The following DHX8 variants were observed in gnomAD, a reference collection of about 807,000 sequenced individuals.
The protein encoded by DHX8 is ATP-dependent RNA helicase DHX8.
In DHX8, 67 loss-of-function variants were observed where a neutral mutation model predicts 140.7. The observed-to-expected ratio is 0.48, with a 90% CI of 0.39 to 0.58. DHX8 has a LOEUF of 0.58. DHX8 is among the 20% of genes least tolerant of loss of function. The pLI is 0.00. For missense variants in DHX8, 887 were observed against 1,550.7 expected (o/e 0.57, Z 7.19); for synonymous variants, 533 against 553.2 (o/e 0.96, Z 0.51).
At chr17:43,528,152 C>T (rs2154587007), downstream of DHX8, 1 of 247,200 alleles carries the variant, frequency 4.0e-6, no homozygotes, top group African/African-American at 2.2e-5. Flanking sequence ...ACCTCCTCAC[C>T]CTCCTGCCAG....
intron 17 of DHX8, 68 bp downstream of exon 17, chr17:43,513,570 G>A: frequency 1.3e-6 from 2 of 1,515,744 alleles, no homozygotes; most frequent in Non-Finnish European, 1.8e-6. Flanking sequence ...CTTTTTTATG[G>A]TTATATATTT....
chr17:43,499,904 A>T, intron 10 of DHX8, 52 bp from the exon 11 acceptor site: 2 of 1,600,478 alleles, frequency 1.2e-6, no homozygotes, highest in African/African-American at 2.7e-5. Context: ...TAACTTCTAC[A>T]TATTATTTCC....
intron 3 of DHX8, chr17:43,536,617 G>T: frequency 1.5e-6 from 1 of 677,990 alleles, no homozygotes; most frequent in South Asian, 1.7e-5. Flanking sequence ...CACATTGTAA[G>T]AATTGTCTTG....
rs369914513 is a variant in DHX8, at chr17:43,490,444, G to A, written c.288G>A (p.Ala96=). 45 of 1,613,546 alleles carry A rather than the reference G, an allele frequency of 2.8e-5. No individual in the cohort carries two copies. The African/African-American group carries it at 4.1e-4, about 15-fold the overall frequency. Reference sequence around the variant, plus strand: ...TCATACAAACCATGCGGCCTCCAGCGAAGCCTTCCACTAGCAAAGGTAAGC... The same window carrying A: ...TCATACAAACCATGCGGCCTCCAGCAAAGCCTTCCACTAGCAAAGGTAAGC... The part of the protein sequence containing the change: ...LRLIQTMRPP[A]KPSTSKDPVV... The change falls in exon 3 of 23, where the codon GCG becomes GCA. Residue 96 remains alanine, a synonymous_variant. Transcript: ENST00000262415.
chr17:43,525,528 G>A lies in DHX8; in HGVS notation c.*1681G>A. On this transcript the variant is annotated 3_prime_UTR_variant, in exon 23 of 23. Coordinates refer to ENST00000262415, the MANE Select transcript of DHX8 (RefSeq NM_004941.3). Reference sequence around the variant, plus strand: ...CCCAGGCCAGTAATCAAGGGGCAGGGCATTGTTGTGTGTTAACCTTGAAGG... The same window carrying A: ...CCCAGGCCAGTAATCAAGGGGCAGGACATTGTTGTGTGTTAACCTTGAAGG... The A allele has an allele frequency of 1.4e-5, 14 of 985,456 alleles. No individual in the cohort carries two copies. The highest frequency in any genetic ancestry group is 1.7e-5 in the Non-Finnish European group (14 of 829,984). 61.0% of individuals were successfully genotyped at this position (985,456 alleles called of 1,614,324 possible). A position where few individuals can be genotyped will look rare whatever the true frequency, so the allele number is the denominator to read the frequency against.
At chr17:43,494,742 A>G (rs1968753659) in intron 8 of DHX8, among the ~76,000 whole-genome samples, 1 of 150,150 alleles carries the variant, frequency 6.7e-6, no homozygotes, top group South Asian at 2.1e-4. Context: ...AAAAAAAGTG[A>G]AACTCTTAGG....
Position 43,523,676 on chromosome 17 carries a change from A to C in DHX8, c.3492A>C (p.Glu1164Asp). The change falls in exon 23 of 23, where the codon GAA becomes GAC. Residue 1164 changes from glutamate to aspartate, a missense_variant. Physicochemically the swap from Glu to Asp is conservative, Grantham distance 45. This residue lies in a region of DHX8 where 101 missense variants were observed against 168.2 expected (regional missense o/e 0.60). Transcript: ENST00000262415. ...LVLTTKEYMR[E>D]VTTIDPRWLV... ...TCACCACCAAGGAATACATGCGTGA[A>C]GTTACCACCATCGACCCTCGGTGGC... 1.2e-6 allele frequency: 2 copies of C among 1,614,208 alleles called. No homozygotes were observed. The highest frequency in any genetic ancestry group is 8.5e-7 in the Non-Finnish European group (1 of 1,180,030).
At chr17:43,492,337 A>G (rs766612429) in intron 5 of DHX8, 45 bp downstream of exon 5, 1 of 1,520,980 alleles carries the variant, frequency 6.6e-7, no homozygotes, top group Non-Finnish European at 9.1e-7. Flanking sequence ...GGGTACTGTG[A>G]CAGTTGAATA....
In DHX8 at chr17:43,496,261, T is replaced by C; in HGVS notation, c.1293T>C (p.Asp431=). ...EETGILPKVD[D]EEDEDLEIEL... ...CTGGCATTCTCCCTAAGGTGGATGATGAAGAAGGTAACTAGTCAGTTGGAT... is the reference window on the plus strand; with the variant it reads ...CTGGCATTCTCCCTAAGGTGGATGACGAAGAAGGTAACTAGTCAGTTGGAT... Residue 431 remains aspartate (D), a synonymous_variant, in exon 9 of 23, where the codon GAT becomes GAC. Transcript: ENST00000262415. 2 of 1,612,396 alleles carry C rather than the reference T, an allele frequency of 1.2e-6. No homozygotes were observed. Among genetic ancestry groups the C allele is most frequent in the South Asian group, 1.1e-5 (1 of 90,836 alleles).
At chr17:43,521,635 G>T in intron 21 of DHX8, 70 bp downstream of exon 21, 3 of 1,458,728 alleles carry the variant, frequency 2.1e-6, no homozygotes, top group Non-Finnish European at 2.8e-6. Flanking sequence ...TTTCATCTCT[G>T]TGTGTACCTA....
At chr17:43,542,677 C>T (rs1385035375) in intron 3 of DHX8, among the ~76,000 whole-genome samples, 1 of 152,162 alleles carries the variant, frequency 6.6e-6, no homozygotes, top group African/African-American at 2.4e-5. Context: ...CACACTCACC[C>T]TTCAACGCCC....
At chr17:43,503,933 C>T (rs1209882133) in intron 11 of DHX8, among the ~76,000 whole-genome samples, 2 of 151,842 alleles carry the variant, frequency 1.3e-5, no homozygotes, top group South Asian at 2.1e-4. Flanking sequence ...ACACGGAGAC[C>T]TGGCTTGGTG....
chr17:43,508,035 A>G lies in DHX8; in HGVS notation c.2320+16A>G. 1 of 1,609,648 alleles carries G rather than the reference A, an allele frequency of 6.2e-7. No individual in the cohort carries two copies. The highest frequency in any genetic ancestry group is 8.5e-7 in the Non-Finnish European group (1 of 1,177,718). ...GAACCACCAGGTAAGGGGAAAAAGC[A>G]ATTTTCCTTTTTGGGAGGCCTAATT... On this transcript the variant is annotated intron_variant, in intron 15 of 22. Coordinates refer to ENST00000262415, the MANE Select transcript of DHX8 (RefSeq NM_004941.3).
chr17:43,497,184 G>A (rs918290796), intron 9 of DHX8, among the ~76,000 whole-genome samples: 3 of 151,642 alleles, frequency 2.0e-5, no homozygotes, highest in Non-Finnish European at 4.4e-5. Flanking sequence ...ACATTATATT[G>A]TGTTGTCTAT....
chr17:43,508,495 A>G lies in DHX8; in HGVS notation c.2477A>G (p.Asp826Gly). 6.2e-7 allele frequency: 1 copy of G among 1,612,534 alleles called. No homozygotes were observed. The highest frequency in any genetic ancestry group is 1.1e-5 in the South Asian group (1 of 90,752). Residue 826 changes from aspartate (D) to glycine (G), a missense_variant, in exon 16 of 23, where the codon GAC (aspartate) becomes GGC (glycine). Asp to Gly is a moderately conservative substitution (Grantham distance 94). This residue lies in a region of DHX8 where 151 missense variants were observed against 388.3 expected (regional missense o/e 0.39). Transcript: ENST00000262415. ...LPSEMQTRIFDPAPPGSRKVV... is the reference protein window; with the variant it reads ...LPSEMQTRIFGPAPPGSRKVV... ...AGTGAGATGCAGACCCGAATCTTTGACCCAGCTCCACCAGGCAGCAGAAAG... is the reference window on the plus strand; with the variant it reads ...AGTGAGATGCAGACCCGAATCTTTGGCCCAGCTCCACCAGGCAGCAGAAAG...
At chr17:43,534,020 C>T (rs377659571) in intron 2 of DHX8, 77 of 1,479,318 alleles carry the variant, frequency 5.2e-5, no homozygotes, top group Non-Finnish European at 6.0e-5. Flanking sequence ...AAGGCCAGAG[C>T]CTGTCACACA....
chr17:43,530,019 G>A (rs1295765632), downstream of DHX8: 1 of 1,609,772 alleles, frequency 6.2e-7, no homozygotes, highest in Admixed American at 1.7e-5. Flanking sequence ...AGAGTCCAGA[G>A]GGACTCCTGG....
intron 22 of DHX8, among the ~76,000 whole-genome samples, chr17:43,522,992 G>A (rs1469918391): frequency 6.7e-6 from 1 of 149,656 alleles, no homozygotes; most frequent in Non-Finnish European, 1.5e-5. Flanking sequence ...GAACCCGGGA[G>A]GCAGAGGTTG....
rs572480478 is a variant in DHX8, at chr17:43,523,046, G to C, written c.3444-582G>C. Among the ~76,000 whole-genome samples, 13 of 113,432 alleles carry C rather than the reference G, an allele frequency of 1.1e-4. No individual in the cohort carries two copies. The East Asian group carries it at 2.5e-3, about 22-fold the overall frequency. 74.4% of individuals were successfully genotyped at this position (113,432 alleles called of 152,430 possible). A position where few individuals can be genotyped will look rare whatever the true frequency, so the allele number is the denominator to read the frequency against. On this transcript the variant is annotated intron_variant, in intron 22 of 22. Transcript: ENST00000262415. ...CCATTGTACTCCAGCCTGGGAGACAGAGTGAGACTCCGTCCCAAAAAAAAA... is the reference window on the plus strand; with the variant it reads ...CCATTGTACTCCAGCCTGGGAGACACAGTGAGACTCCGTCCCAAAAAAAAA...
Sources: gnomAD v4.1 joint callset for allele counts (sites outside exome capture counted in the v4.1 genomes callset) on GRCh38, gnomAD v4.1.1 for gene constraint, gnomAD v4.1.1 regional missense constraint, MANE v1.5 for transcripts, NCBI Gene and HGNC (gene_info 2026-07-23, HGNC 2026-07-21) for gene names.